The following NAV3 variants were observed in gnomAD, a reference collection of about 807,000 sequenced individuals.
NAV3 encodes the protein neuron navigator 3.
Under a neutral mutation model 244.7 loss-of-function variants are expected in NAV3, and 87 were observed. The ratio of observed to expected loss-of-function variants is 0.36; its 90% CI spans 0.30 to 0.42. The LOEUF (loss-of-function observed/expected upper bound fraction) is 0.42. Among genes scored for constraint, NAV3 ranks in the 20% least tolerant of loss-of-function variants. The pLI, the probability that NAV3 is intolerant of heterozygous loss-of-function variation, is 1.00. For synonymous variants in NAV3, 1,126 were observed against 1,042.2 expected (o/e 1.08, Z -1.55); for missense variants, 2,663 against 2,893.3 (o/e 0.92, Z 1.83).
intron 1 of NAV3, among the ~76,000 whole-genome samples, chr12:77,926,750 G>A (rs188178817): frequency 6.6e-6 from 1 of 152,218 alleles, no homozygotes; most frequent in Non-Finnish European, 1.5e-5. Flanking sequence ...GGCCTGGTAA[G>A]TTGCATTTGT....
chr12:78,208,159 G>A (rs1960521731), intron 39 of NAV3, among the ~76,000 whole-genome samples: 1 of 152,110 alleles, frequency 6.6e-6, no homozygotes, highest in African/African-American at 2.4e-5. Context: ...AACTTACGGT[G>A]GAAAGTGGAA....
chr12:77,871,768 A>G lies in NAV3; in HGVS notation c.243+40064A>G, dbSNP rs1473776139. On this transcript the variant is annotated intron_variant, in intron 1 of 39. Transcript: ENST00000397909. ...AACATACATGTGCATGTGTCTTTAT[A>G]GTAGATTGATTGATAATCCATTGGG... Among the ~76,000 whole-genome samples, 5 of 152,126 alleles carry G rather than the reference A, an allele frequency of 3.3e-5. No individual in the cohort carries two copies. In the East Asian group the frequency reaches 9.6e-4, roughly 29 times the overall value.
At chr12:78,104,622 C>A (rs1593597508) in intron 12 of NAV3, among the ~76,000 whole-genome samples, 1 of 152,242 alleles carries the variant, frequency 6.6e-6, no homozygotes, top group Admixed American at 6.5e-5. Context: ...ATTAATTAAC[C>A]TATGTGTATC....
intron 12 of NAV3, among the ~76,000 whole-genome samples, chr12:78,092,654 C>T (rs1401487761): frequency 6.6e-6 from 1 of 151,814 alleles, no homozygotes; most frequent in African/African-American, 2.4e-5. Context: ...CGCCTGCCAC[C>T]ATGCCCGGCT....
intron 25 of NAV3, 92 bp from the exon 26 acceptor site, chr12:78,176,347 T>A: frequency 8.0e-7 from 1 of 1,248,066 alleles, no homozygotes; most frequent in Non-Finnish European, 1.1e-6. Context: ...TCTTTTTATC[T>A]TAAAAAATGT....
chr12:77,738,529 A>G (rs1469567200), intron 2 of NAV3, among the ~76,000 whole-genome samples: 2 of 152,218 alleles, frequency 1.3e-5, no homozygotes, highest in Non-Finnish European at 2.9e-5. Flanking sequence ...TATAATTAAC[A>G]GAAGGAAGTG....
At chr12:77,580,656 C>T (rs941187484) in intron 2 of NAV3, among the ~76,000 whole-genome samples, 1 of 152,096 alleles carries the variant, frequency 6.6e-6, no homozygotes, top group African/African-American at 2.4e-5. Context: ...ACTGTCTAAA[C>T]CCTAAATATT....
At chr12:77,622,811 T>A (rs1453274782) in intron 2 of NAV3, among the ~76,000 whole-genome samples, 3 of 152,190 alleles carry the variant, frequency 2.0e-5, no homozygotes, top group African/African-American at 7.2e-5. Flanking sequence ...AATGTATATC[T>A]ATAACTTATA....
At chr12:78,003,164 T>C (rs1873604306) in intron 7 of NAV3, among the ~76,000 whole-genome samples, 1 of 150,766 alleles carries the variant, frequency 6.6e-6, no homozygotes. Context: ...CACGAGCAAT[T>C]ATTTATGCAA....
chr12:78,016,961 T>A lies in NAV3; in HGVS notation c.1908-4786T>A, dbSNP rs73346691. Reference sequence around the variant, plus strand: ...TTAGCTAAGGGAACCTCAAATGCAGTAAAATACTTAGTTCAGAGGCATTTT... The same window carrying A: ...TTAGCTAAGGGAACCTCAAATGCAGAAAAATACTTAGTTCAGAGGCATTTT... On this transcript the variant is annotated intron_variant, in intron 8 of 39. Coordinates refer to ENST00000397909, the MANE Select transcript of NAV3 (RefSeq NM_001024383.2). 6.6e-3 allele frequency among the ~76,000 whole-genome samples: 1,006 copies of A among 152,206 alleles called. 13 individuals are homozygous for A. The highest frequency in any genetic ancestry group is 0.023 in the African/African-American group (959 of 41,508).
chr12:78,145,088 CA>C, intron 20 of NAV3: 1 of 307,808 alleles, frequency 3.2e-6, no homozygotes, highest in Non-Finnish European at 6.4e-6. Flanking sequence ...ACTTTTTATT[CA>C]AAAACCAAAC....
At chr12:78,006,182 G>A (rs1264838114) in intron 7 of NAV3, among the ~76,000 whole-genome samples, 2 of 151,940 alleles carry the variant, frequency 1.3e-5, no homozygotes, top group African/African-American at 4.8e-5. Context: ...TTTCAGAGGG[G>A]AAAATAAACA....
In NAV3 at chr12:78,131,618, T is replaced by C. The variant is rs56298830; in HGVS notation, c.4441+2752T>C. On this transcript the variant is annotated intron_variant, in intron 18 of 39. Transcript: ENST00000397909. Reference sequence around the variant, plus strand: ...TGATTAGTTGACTCCTTCTTCTATTTTTCCTCACCATTATTATTCTGATTA... The same window carrying C: ...TGATTAGTTGACTCCTTCTTCTATTCTTCCTCACCATTATTATTCTGATTA... Among the ~76,000 whole-genome samples the C allele has an allele frequency of 6.9e-3, 1,051 of 152,298 alleles. 12 individuals are homozygous for C. Among genetic ancestry groups the C allele is most frequent in the African/African-American group, 0.024 (977 of 41,570 alleles).
intron 1 of NAV3, among the ~76,000 whole-genome samples, chr12:77,920,296 A>G (rs540291693): frequency 1.3e-5 from 2 of 152,186 alleles, no homozygotes; most frequent in Non-Finnish European, 2.9e-5. Flanking sequence ...AAAGAATACC[A>G]TGCTATATAT....
intron 6 of NAV3, among the ~76,000 whole-genome samples, chr12:77,998,099 T>C (rs1444111565): frequency 6.6e-6 from 1 of 152,218 alleles, no homozygotes; most frequent in Non-Finnish European, 1.5e-5. Flanking sequence ...TTAAGATTTA[T>C]TTTAATTATT....
chr12:78,111,879 T>C (rs1345175621), intron 12 of NAV3, among the ~76,000 whole-genome samples: 1 of 152,310 alleles, frequency 6.6e-6, no homozygotes, highest in Middle Eastern at 3.4e-3. Context: ...AAAGATACTG[T>C]ATGCATTGTT....
intron 2 of NAV3, among the ~76,000 whole-genome samples, chr12:77,706,796 G>A (rs1445775219): frequency 5.4e-5 from 8 of 148,168 alleles, no homozygotes; most frequent in African/African-American, 1.3e-4. Flanking sequence ...GCATGAGCCC[G>A]GGAGGCGGAG....
intron 2 of NAV3, among the ~76,000 whole-genome samples, chr12:77,665,706 A>G (rs1276415489): frequency 1.3e-5 from 2 of 152,196 alleles, no homozygotes; most frequent in Non-Finnish European, 2.9e-5. Context: ...CTAGAAGTAT[A>G]CATGATTATT....
chr12:78,020,258 C>T (rs1876925502), intron 8 of NAV3, among the ~76,000 whole-genome samples: 1 of 152,028 alleles, frequency 6.6e-6, no homozygotes, highest in Non-Finnish European at 1.5e-5. Context: ...CAAGGTAGTA[C>T]AGTTTGATAA....
Sources: gnomAD v4.1 joint callset for allele counts (sites outside exome capture counted in the v4.1 genomes callset) on GRCh38, gnomAD v4.1.1 for gene constraint, MANE v1.5 for transcripts, NCBI Gene and HGNC (gene_info 2026-07-23, HGNC 2026-07-21) for gene names.